PSTPIP1: variants seen among roughly 807,000 people sequenced by gnomAD.
PSTPIP1 encodes proline-serine-threonine phosphatase-interacting protein 1.
PSTPIP1 carries 66 observed loss-of-function variants against 69.6 expected under a neutral mutation model. That is an observed-to-expected ratio of 0.95 (90% confidence interval 0.78 to 1.16). PSTPIP1 has a LOEUF of 1.16. Ranked by LOEUF, PSTPIP1 falls within the 50% of genes most tolerant of loss-of-function variation. PSTPIP1 has a pLI of 0.00. For missense variants in PSTPIP1, 603 were observed against 557.4 expected, an observed-to-expected ratio of 1.08 and a Z score of -0.82; for synonymous variants, 266 against 222.7, an observed-to-expected ratio of 1.19 and a Z score of -1.73.
intron 1 of PSTPIP1, among the ~76,000 whole-genome samples, chr15:77,001,231 G>A (rs1283030253): frequency 7.9e-5 from 12 of 152,214 alleles, no homozygotes; most frequent in Non-Finnish European, 1.8e-4. Context: ...ATTTCTTTGG[G>A]CAGAGGAGGC....
rs746774380 is a variant in PSTPIP1, at chr15:76,995,566, G to A, written c.-8G>A. 36 of 1,613,766 alleles carry A rather than the reference G, an allele frequency of 2.2e-5. No homozygotes were observed. The highest frequency in any genetic ancestry group is 1.2e-4 in the Admixed American group (7 of 60,010). ...GAGAGTGAGCTTTGCCGCGGCAGACGCCTGAGGATGATGCCCCAGCTGCAG... is the reference window on the plus strand; with the variant it reads ...GAGAGTGAGCTTTGCCGCGGCAGACACCTGAGGATGATGCCCCAGCTGCAG... On this transcript the variant is annotated 5_prime_UTR_variant, in exon 1 of 15. Coordinates refer to ENST00000558012, the MANE Select transcript of PSTPIP1 (RefSeq NM_003978.5).
At chr15:77,004,554 G>A (rs1302144391) in intron 1 of PSTPIP1, among the ~76,000 whole-genome samples, 3 of 152,030 alleles carry the variant, frequency 2.0e-5, no homozygotes, top group Non-Finnish European at 4.4e-5. Context: ...TTGGAGATAA[G>A]GTAAGAAATA....
chr15:77,003,451 C>T (rs62027304), intron 1 of PSTPIP1, among the ~76,000 whole-genome samples: 10,004 of 152,150 alleles, frequency 0.066, 370 homozygotes, highest in Middle Eastern at 0.1. Flanking sequence ...GTCAGGGGTT[C>T]GAGACCAGCC....
intron 1 of PSTPIP1, among the ~76,000 whole-genome samples, chr15:77,014,542 C>A (rs575259407): frequency 6.6e-6 from 1 of 152,310 alleles, no homozygotes; most frequent in South Asian, 2.1e-4. Flanking sequence ...TAGCCTCCTG[C>A]CCCCACTTTC....
chr15:76,997,975 C>T (rs769369261), intron 1 of PSTPIP1, among the ~76,000 whole-genome samples: 13 of 152,296 alleles, frequency 8.5e-5, no homozygotes, highest in East Asian at 1.9e-4. Flanking sequence ...CAGTGGTTCA[C>T]GCCTGTAATC....
In PSTPIP1 at chr15:77,032,943, T is replaced by C. The variant is rs370601019; in HGVS notation, c.920T>C (p.Met307Thr). 1.9e-6 allele frequency: 3 copies of C among 1,601,808 alleles called. No homozygotes were observed. Among genetic ancestry groups the C allele is most frequent in the South Asian group, 1.1e-5 (1 of 89,020 alleles). Residue 307 changes from methionine to threonine, a missense_variant, in exon 12 of 15, where the codon ATG (methionine) becomes ACG (threonine). Transcript: ENST00000558012. ...SSPGIQPSCG[M>T]IKRFSGLLHG... ...CCTGGCATACAGCCGTCCTGCGGCATGATAAAGAGGTGAGGCCCCGACAGA... is the reference window on the plus strand; with the variant it reads ...CCTGGCATACAGCCGTCCTGCGGCACGATAAAGAGGTGAGGCCCCGACAGA...
At chr15:76,997,855 C>A (rs773814876) in intron 1 of PSTPIP1, among the ~76,000 whole-genome samples, 1 of 152,222 alleles carries the variant, frequency 6.6e-6, no homozygotes, top group African/African-American at 2.4e-5. Context: ...AACAGCCCAG[C>A]CAGCTTGGCC....
intron 10 of PSTPIP1, 25 bp downstream of exon 10, chr15:77,031,303 G>T: frequency 6.2e-7 from 1 of 1,606,096 alleles, no homozygotes; most frequent in South Asian, 1.1e-5. Context: ...CCTTGGTGTG[G>T]GGTAAGGTAG....
chr15:77,036,294 G>A lies in PSTPIP1; in HGVS notation c.1119+359G>A, dbSNP rs1471596724. 4.6e-5 allele frequency among the ~76,000 whole-genome samples: 7 copies of A among 152,182 alleles called. No individual in the cohort carries two copies. In the South Asian group the frequency reaches 8.3e-4, roughly 18 times the overall value. The stretch of plus-strand genomic sequence containing the variant: ...AGGCTGGGCGCTGAGTGGTGCACAC[G>A]TGCGGGGAGCTGGCAGAGCCTGGAG... On this transcript the variant is annotated intron_variant, in intron 14 of 14. Transcript: ENST00000558012.
chr15:77,031,966 T>C (rs991285824), intron 10 of PSTPIP1, among the ~76,000 whole-genome samples: 1 of 152,180 alleles, frequency 6.6e-6, no homozygotes, highest in Non-Finnish European at 1.5e-5. Flanking sequence ...GGACCCACTC[T>C]CCTAGCCCCA....
intron 1 of PSTPIP1, among the ~76,000 whole-genome samples, chr15:77,003,684 G>C (rs979606487): frequency 6.6e-6 from 1 of 151,588 alleles, no homozygotes; most frequent in Non-Finnish European, 1.5e-5. Flanking sequence ...AGAAGGAAGC[G>C]GGCTTCTTTG....
At position 77,037,070 on chromosome 15, in the gene PSTPIP1, C is replaced by A. The variant is rs202205180; in HGVS notation, c.1145C>A (p.Ala382Glu). The part of the protein sequence containing the change: ...AQNPDELDLS[A>E]GDILEVILEG... ...AACCCAGATGAGCTGGACCTGTCCG[C>A]GGGAGACATCCTGGAGGTGATCCTG... Residue 382 changes from alanine (A) to glutamate (E), a missense_variant, in exon 15 of 15, where the codon GCG (alanine) becomes GAG (glutamate). By Grantham distance (107) the Ala-to-Glu change is moderately radical. Transcript: ENST00000558012. The A allele has an allele frequency of 3.2e-5, 52 of 1,612,102 alleles. No individual in the cohort carries two copies. Among genetic ancestry groups the A allele is most frequent in the African/African-American group, 4.0e-5 (3 of 74,876 alleles).
At position 77,029,248 on chromosome 15, in the gene PSTPIP1, AG is replaced by A. The variant is rs549689881; in HGVS notation, c.517-276del. 2.8e-4 allele frequency among the ~76,000 whole-genome samples: 42 copies of A among 152,326 alleles called. 1 individual carries two copies. Among genetic ancestry groups the A allele is most frequent in the African/African-American group, 9.6e-4 (40 of 41,580 alleles). ...AGGGGCCAGAGCCCAAGTCCCAGCC[AG>A]GGGGCTCAGCAGTAGTTGCACCTCT... is the stretch of plus-strand genomic sequence containing the variant. On this transcript the variant is annotated intron_variant, in intron 7 of 14. Coordinates refer to ENST00000558012, the MANE Select transcript of PSTPIP1 (RefSeq NM_003978.5).
chr15:77,015,108 T>C (rs1025803536), intron 1 of PSTPIP1, among the ~76,000 whole-genome samples: 4 of 152,252 alleles, frequency 2.6e-5, no homozygotes, highest in African/African-American at 9.6e-5. Context: ...GGCTAGCCTC[T>C]GTGAATCCAC....
chr15:77,012,887 C>T (rs1596071764), intron 1 of PSTPIP1, among the ~76,000 whole-genome samples: 1 of 152,264 alleles, frequency 6.6e-6, no homozygotes, highest in East Asian at 1.9e-4. Context: ...TCTTGAAGGC[C>T]TCACTGAGGC....
At chr15:77,028,382 G>A (rs1212180312) in intron 6 of PSTPIP1, 172 bp from the exon 7 acceptor site, 10 of 561,500 alleles carry the variant, frequency 1.8e-5, no homozygotes, top group Non-Finnish European at 1.9e-5. Flanking sequence ...CAGCCCCCAC[G>A]CCTTCTCTAT....
chr15:77,031,293 C>G lies in PSTPIP1; in HGVS notation c.741+15C>G, dbSNP rs763875932. On this transcript the variant is annotated intron_variant, in intron 10 of 14. Coordinates refer to ENST00000558012, the MANE Select transcript of PSTPIP1 (RefSeq NM_003978.5). ...AGGATGATGAGGTGGGGGCTGAGGGCCTTGGTGTGGGGTAAGGTAGGGCAG... is the reference window on the plus strand; with the variant it reads ...AGGATGATGAGGTGGGGGCTGAGGGGCTTGGTGTGGGGTAAGGTAGGGCAG... The G allele has an allele frequency of 1.2e-6, 2 of 1,610,732 alleles. No individual in the cohort carries two copies. Among genetic ancestry groups the G allele is most frequent in the Non-Finnish European group, 1.7e-6 (2 of 1,178,152 alleles).
chr15:77,033,880 C>T (rs1281984917), intron 12 of PSTPIP1, among the ~76,000 whole-genome samples: 1 of 152,282 alleles, frequency 6.6e-6, no homozygotes, highest in African/African-American at 2.4e-5. Flanking sequence ...GGCAGCACAC[C>T]CGCAGCCTCA....
At position 77,010,005 on chromosome 15, in the gene PSTPIP1, C is replaced by T. The variant is rs149504928; in HGVS notation, c.37-8143C>T. 1.1e-3 allele frequency among the ~76,000 whole-genome samples: 162 copies of T among 152,272 alleles called. 2 individuals carry two copies. The highest frequency in any genetic ancestry group is 3.6e-3 in the African/African-American group (149 of 41,542). Reference sequence around the variant, plus strand: ...AGGAGCCGTGCTCTTCCTGTGAAGACGCCTGGACCCCTCCTGGCTGGCTAC... The same window carrying T: ...AGGAGCCGTGCTCTTCCTGTGAAGATGCCTGGACCCCTCCTGGCTGGCTAC... On this transcript the variant is annotated intron_variant, in intron 1 of 14. Transcript: ENST00000558012.
Sources: gnomAD v4.1 joint callset for allele counts (sites outside exome capture counted in the v4.1 genomes callset) on GRCh38, gnomAD v4.1.1 for gene constraint, MANE v1.5 for transcripts, NCBI Gene and HGNC (gene_info 2026-07-23, HGNC 2026-07-21) for gene names.